Variants in STK39 observed in about 807,000 individuals in gnomAD.
The protein encoded by STK39 is STE20/SPS1-related proline-alanine-rich protein kinase.
In STK39, 20 loss-of-function variants were observed where a neutral mutation model predicts 77.8. That is an observed-to-expected ratio of 0.26 (90% confidence interval 0.18 to 0.37). The LOEUF (loss-of-function observed/expected upper bound fraction) is 0.37. Among genes scored for constraint, STK39 ranks in the 10% least tolerant of loss-of-function variants. The probability of loss-of-function intolerance (pLI) is 1.00; values close to 1 mark genes in which losing one functional copy is unlikely to be tolerated. For synonymous variants in STK39, 246 were observed against 234.1 expected (o/e 1.05, Z -0.47); for missense variants, 479 against 656.5 (o/e 0.73, Z 2.95).
chr2:168,023,785 G>C (rs1162659863), intron 14 of STK39, among the ~76,000 whole-genome samples: 1 of 152,160 alleles, frequency 6.6e-6, no homozygotes, highest in Non-Finnish European at 1.5e-5. Flanking sequence ...CTCAAATGAA[G>C]ATGAAAGGCA....
At position 168,215,119 on chromosome 2, in the gene STK39, G is replaced by A. The variant is rs990201329; in HGVS notation, c.208+32109C>T. Among the ~76,000 whole-genome samples the A allele has an allele frequency of 3.9e-5, 6 of 152,166 alleles. 1 individual carries two copies. The highest frequency in any genetic ancestry group is 1.3e-4 in the Admixed American group (2 of 15,276). ...CACAATGAAGGATCAAAAATGGCTT[G>A]CAACAGTGTGTGCCAAACAAAAAGC... On this transcript the variant is annotated intron_variant, in intron 1 of 17. Transcript: ENST00000355999.
chr2:168,180,891 T>C (rs1365580734), intron 2 of STK39, among the ~76,000 whole-genome samples: 2 of 152,236 alleles, frequency 1.3e-5, no homozygotes, highest in South Asian at 2.1e-4. Context: ...ATGAAATCTA[T>C]GCATTGTGTA....
chr2:168,085,893 A>C (rs1686353585), intron 10 of STK39, among the ~76,000 whole-genome samples: 1 of 152,156 alleles, frequency 6.6e-6, no homozygotes, highest in Non-Finnish European at 1.5e-5. Context: ...TGCTCACTGG[A>C]ATACTCAACG....
intron 2 of STK39, among the ~76,000 whole-genome samples, chr2:168,172,022 T>C (rs951304485): frequency 8.5e-5 from 13 of 152,138 alleles, no homozygotes; most frequent in African/African-American, 1.2e-4. Context: ...ACTGGCTTGA[T>C]TACCTAGGCG....
intron 5 of STK39, among the ~76,000 whole-genome samples, chr2:168,147,937 C>T (rs1688185130): frequency 6.6e-6 from 1 of 152,214 alleles, no homozygotes; most frequent in African/African-American, 2.4e-5. Flanking sequence ...AACTGCAATC[C>T]AGACTTACTT....
At chr2:167,998,695 G>C (rs750541111) in intron 16 of STK39, among the ~76,000 whole-genome samples, 18 of 152,152 alleles carry the variant, frequency 1.2e-4, no homozygotes, top group Non-Finnish European at 2.4e-4. Flanking sequence ...ATTGGATTCA[G>C]AATTACTGGA....
intron 10 of STK39, among the ~76,000 whole-genome samples, chr2:168,104,758 T>C (rs1686924931): frequency 6.6e-6 from 1 of 152,182 alleles, no homozygotes. Context: ...TGCCAGTATC[T>C]ACCCAAATTA....
chr2:167,982,137 G>A (rs774349959), intron 16 of STK39, among the ~76,000 whole-genome samples: 4 of 152,100 alleles, frequency 2.6e-5, no homozygotes, highest in Non-Finnish European at 4.4e-5. Context: ...CAGAGAAGTC[G>A]GCTTGAACAT....
At chr2:168,117,036 TA>T (rs1559105169) in intron 10 of STK39, among the ~76,000 whole-genome samples, 1 of 152,190 alleles carries the variant, frequency 6.6e-6, no homozygotes, top group African/African-American at 2.4e-5. Context: ...TGCTGAGTGG[TA>T]GGGACTACAT....
chr2:167,994,999 G>C (rs2105288053), intron 16 of STK39, among the ~76,000 whole-genome samples: 1 of 151,956 alleles, frequency 6.6e-6, no homozygotes, highest in Middle Eastern at 3.4e-3. Flanking sequence ...AAGCAACAAT[G>C]AAATCTCAAT....
At chr2:168,147,849 G>A (rs1688181604) in intron 5 of STK39, among the ~76,000 whole-genome samples, 1 of 152,178 alleles carries the variant, frequency 6.6e-6, no homozygotes, top group African/African-American at 2.4e-5. Context: ...TTTTCTTGGT[G>A]AAAGAAGAAA....
chr2:168,108,003 T>C (rs1687023893), intron 10 of STK39, among the ~76,000 whole-genome samples: 1 of 152,252 alleles, frequency 6.6e-6, no homozygotes, highest in Admixed American at 6.5e-5. Context: ...GTTCTCATCC[T>C]AATTCCAAAA....
At chr2:168,105,468 A>T (rs1686945032) in intron 10 of STK39, among the ~76,000 whole-genome samples, 1 of 152,250 alleles carries the variant, frequency 6.6e-6, no homozygotes, top group Non-Finnish European at 1.5e-5. Context: ...CAGGGGGCCC[A>T]CTTCAGAAAA....
chr2:168,239,859 A>AG (rs1355807080), intron 1 of STK39, among the ~76,000 whole-genome samples: 2 of 152,220 alleles, frequency 1.3e-5, no homozygotes, highest in Non-Finnish European at 2.9e-5. Context: ...CTGAAGGGCA[A>AG]GGGGGGAGGG....
At chr2:168,111,997 T>C (rs538194663) in intron 10 of STK39, among the ~76,000 whole-genome samples, 18 of 152,294 alleles carry the variant, frequency 1.2e-4, no homozygotes, top group African/African-American at 3.8e-4. Flanking sequence ...AGCAACTATT[T>C]TGGCATACAC....
chr2:168,176,327 G>T (rs1382546401), intron 2 of STK39, among the ~76,000 whole-genome samples: 1 of 148,430 alleles, frequency 6.7e-6, no homozygotes, highest in Non-Finnish European at 1.5e-5. Context: ...AAAAGGAAGA[G>T]AAAAAAAAAA....
At chr2:168,183,427 C>T (rs573363788) in intron 1 of STK39, among the ~76,000 whole-genome samples, 1 of 152,160 alleles carries the variant, frequency 6.6e-6, no homozygotes, top group South Asian at 2.1e-4. Context: ...GGGAGAAAAC[C>T]GGGACTCAGA....
intron 10 of STK39, among the ~76,000 whole-genome samples, chr2:168,081,625 A>C (rs561637445): frequency 6.6e-6 from 1 of 152,248 alleles, no homozygotes; most frequent in East Asian, 1.9e-4. Flanking sequence ...TTGATTCTGA[A>C]ATGTGAGGAC....
At chr2:168,026,237 G>A (rs754168906) in intron 14 of STK39, among the ~76,000 whole-genome samples, 8 of 152,270 alleles carry the variant, frequency 5.3e-5, no homozygotes, top group African/African-American at 1.4e-4. Context: ...TACTAGTAGC[G>A]AAGGAAATCT....
Sources: allele counts gnomAD v4.1 joint callset (sites outside exome capture counted in the v4.1 genomes callset), GRCh38; gene constraint gnomAD v4.1.1; transcripts MANE v1.5; gene names NCBI Gene and HGNC (gene_info 2026-07-23, HGNC 2026-07-21).